The following NPEPPS variants were observed in gnomAD, a reference collection of about 807,000 sequenced individuals.
The protein encoded by NPEPPS is aminopeptidase puromycin sensitive.
A neutral mutation model predicts 115.5 loss-of-function variants in NPEPPS; 14 were observed. The observed-to-expected ratio is 0.12, with a 90% CI of 0.08 to 0.19. The LOEUF is 0.19. Among genes scored for constraint, NPEPPS ranks in the 10% least tolerant of loss-of-function variants. NPEPPS has a pLI of 1.00. For missense variants in NPEPPS, 523 were observed against 1,110.8 expected, an observed-to-expected ratio of 0.47 and a Z score of 7.52; for synonymous variants, 285 against 390.6, an observed-to-expected ratio of 0.73 and a Z score of 3.19.
At position 47,619,733 on chromosome 17, in the gene NPEPPS, G is replaced by T; in HGVS notation, c.2560-4G>T. On this transcript the variant is annotated splice_polypyrimidine_tract_variant and splice_region_variant and intron_variant, in intron 21 of 22. Coordinates refer to ENST00000322157, the MANE Select transcript of NPEPPS (RefSeq NM_006310.4). ...ACTTACTGTTTAAAACCATTGTTTT[G>T]CAGCTATCAGTTGAGGGATTTGCAG... is the stretch of plus-strand genomic sequence containing the variant. The T allele has an allele frequency of 6.2e-7, 1 of 1,613,094 alleles. No homozygotes were observed. Among genetic ancestry groups the T allele is most frequent in the Non-Finnish European group, 8.5e-7 (1 of 1,179,154 alleles).
At chr17:47,600,765 G>A (rs1410097789) in intron 14 of NPEPPS, among the ~76,000 whole-genome samples, 1 of 152,154 alleles carries the variant, frequency 6.6e-6, no homozygotes, top group Non-Finnish European at 1.5e-5. Context: ...GTAAGACAGT[G>A]TTTCTGCCTT....
chr17:47,549,296 C>T (rs1318418636), intron 2 of NPEPPS, among the ~76,000 whole-genome samples: 11 of 151,568 alleles, frequency 7.3e-5, no homozygotes, highest in African/African-American at 1.7e-4. Context: ...GAGCCAGGAT[C>T]GTGCCACTGC....
intron 5 of NPEPPS, among the ~76,000 whole-genome samples, chr17:47,584,243 T>G (rs1597862240): frequency 6.7e-6 from 1 of 149,454 alleles, no homozygotes; most frequent in African/African-American, 2.4e-5. Context: ...AAAAAAAGGT[T>G]GCAACAGAGC....
intron 17 of NPEPPS, among the ~76,000 whole-genome samples, chr17:47,608,758 AGAG>A (rs1913669126): frequency 6.6e-6 from 1 of 152,056 alleles, no homozygotes; most frequent in African/African-American, 2.4e-5. Context: ...GAGCCAGGAG[AGAG>A]GGGGGGTATC....
At chr17:47,546,043 G>GTGT in intron 2 of NPEPPS, 50 bp downstream of exon 2, 6 of 1,212,630 alleles carry the variant, frequency 4.9e-6, no homozygotes, top group South Asian at 1.8e-5. Flanking sequence ...GCATATGTGG[G>GTGT]GTGTGTGTGT....
At chr17:47,568,592 T>C (rs1451050375) in intron 2 of NPEPPS, among the ~76,000 whole-genome samples, 15 of 56,784 alleles carry the variant, frequency 2.6e-4, no homozygotes, top group Non-Finnish European at 4.6e-5. Context: ...TCTCTTCTCA[T>C]TCCTGGCAGA....
At chr17:47,530,661 A>C (rs1181004799), upstream of NPEPPS, among the ~76,000 whole-genome samples, 2 of 152,056 alleles carry the variant, frequency 1.3e-5, no homozygotes, top group Non-Finnish European at 2.9e-5. Flanking sequence ...CCGGCTATTA[A>C]AGGTTTTATA....
At chr17:47,592,727 T>C in intron 12 of NPEPPS, 182 bp downstream of exon 12, 1 of 548,236 alleles carries the variant, frequency 1.8e-6, no homozygotes, top group Non-Finnish European at 3.2e-6. Context: ...TTTGAAATGC[T>C]CCAGAATCTG....
intron 2 of NPEPPS, among the ~76,000 whole-genome samples, chr17:47,562,770 A>C (rs1910519570): frequency 6.9e-6 from 1 of 144,208 alleles, no homozygotes; most frequent in Non-Finnish European, 1.5e-5. Context: ...ATTTAAAAAA[A>C]AGTTTAGTTA....
At chr17:47,552,286 C>T (rs1217244439) in intron 2 of NPEPPS, among the ~76,000 whole-genome samples, 2 of 152,152 alleles carry the variant, frequency 1.3e-5, no homozygotes, top group Non-Finnish European at 2.9e-5. Context: ...CTATGCTTAT[C>T]TGTGAAATAT....
intron 1 of NPEPPS, among the ~76,000 whole-genome samples, chr17:47,533,692 C>G (rs1253537816): frequency 1.3e-5 from 2 of 152,006 alleles, no homozygotes; most frequent in Admixed American, 6.6e-5. Flanking sequence ...CTCCTTACCT[C>G]TTTTCTACTT....
chr17:47,538,022 T>G (rs1382060481), intron 1 of NPEPPS, among the ~76,000 whole-genome samples: 2 of 151,012 alleles, frequency 1.3e-5, no homozygotes, highest in East Asian at 2.0e-4. Context: ...GCCTCCCTAG[T>G]AGCTGGGATT....
At chr17:47,559,691 G>A (rs1267215366) in intron 2 of NPEPPS, 2 of 454,252 alleles carry the variant, frequency 4.4e-6, no homozygotes, top group Non-Finnish European at 8.8e-6. Context: ...TTTCCTGGTA[G>A]GATATCACTT....
At chr17:47,530,351 GTTT>G (rs58886094), upstream of NPEPPS, among the ~76,000 whole-genome samples, 4,879 of 97,288 alleles carry the variant, frequency 0.05, 49 homozygotes, top group Middle Eastern at 0.16. Context: ...ATTATTAAAG[GTTT>G]TTTTTTTTTT....
At chr17:47,554,787 G>T (rs1334659179) in intron 2 of NPEPPS, among the ~76,000 whole-genome samples, 2 of 152,130 alleles carry the variant, frequency 1.3e-5, no homozygotes, top group Non-Finnish European at 2.9e-5. Context: ...CACAAGCCTT[G>T]TGATACATTG....
chr17:47,546,073 TGA>T (rs1555603845), intron 2 of NPEPPS, 80 bp downstream of exon 2: 87 of 1,265,408 alleles, frequency 6.9e-5, no homozygotes, highest in African/African-American at 4.1e-4. Flanking sequence ...TGTGTGTGTG[TGA>T]GAGAGAGAGA....
In NPEPPS at chr17:47,604,061, T is replaced by C; in HGVS notation, c.1875+12T>C. 6.2e-7 allele frequency: 1 copy of C among 1,600,956 alleles called. No homozygotes were observed. The highest frequency in any genetic ancestry group is 8.5e-7 in the Non-Finnish European group (1 of 1,171,318). Reference sequence around the variant, plus strand: ...ACCTCTTCTCCTTGGTGAGCATCTGTGACTTAAGTAATATGATGGATTTTG... The same window carrying C: ...ACCTCTTCTCCTTGGTGAGCATCTGCGACTTAAGTAATATGATGGATTTTG... On this transcript the variant is annotated intron_variant, in intron 16 of 22. Coordinates refer to ENST00000322157, the MANE Select transcript of NPEPPS (RefSeq NM_006310.4).
upstream of NPEPPS, among the ~76,000 whole-genome samples, chr17:47,530,085 C>T (rs1003572692): frequency 7.6e-6 from 1 of 130,758 alleles, no homozygotes; most frequent in East Asian, 2.3e-4. Flanking sequence ...AACAGGCGCC[C>T]GCCACCAAGC....
intron 22 of NPEPPS, among the ~76,000 whole-genome samples, chr17:47,621,478 AT>A (rs1914570262): frequency 6.6e-6 from 1 of 152,198 alleles, no homozygotes. Context: ...CCAAGTCTTC[AT>A]TCCAAAGACT....
Sources: gnomAD v4.1 joint callset for allele counts (sites outside exome capture counted in the v4.1 genomes callset) on GRCh38, gnomAD v4.1.1 for gene constraint, MANE v1.5 for transcripts, NCBI Gene and HGNC (gene_info 2026-07-23, HGNC 2026-07-21) for gene names.